The following CACNA1C variants were observed in gnomAD, a reference collection of about 807,000 sequenced individuals.
CACNA1C encodes the protein calcium voltage-gated channel subunit alpha1 C, also known as voltage-dependent L-type calcium channel subunit alpha-1C.
In CACNA1C, 30 loss-of-function variants were observed where a neutral mutation model predicts 229.0. The ratio of observed to expected loss-of-function variants is 0.13; its 90% CI spans 0.10 to 0.18. The LOEUF is 0.18. Ranked by LOEUF, CACNA1C falls within the 10% of genes least tolerant of loss-of-function variation. The probability of loss-of-function intolerance (pLI) is 1.00; values close to 1 mark genes in which losing one functional copy is unlikely to be tolerated. For missense variants in CACNA1C, 1,658 were observed against 2,845.0 expected, an observed-to-expected ratio of 0.58 and a Z score of 9.49; for synonymous variants, 1,114 against 1,132.5, an observed-to-expected ratio of 0.98 and a Z score of 0.33.
intron 3 of CACNA1C, among the ~76,000 whole-genome samples, chr12:2,265,744 T>C (rs1188293816): frequency 6.6e-6 from 1 of 152,196 alleles, no homozygotes; most frequent in Non-Finnish European, 1.5e-5. Context: ...TCCAGTGTGC[T>C]CCACCCCTTC....
In CACNA1C at chr12:2,691,508, G is replaced by A. The variant is rs2097788266; in HGVS notation, c.*309G>A. On this transcript the variant is annotated 3_prime_UTR_variant, in exon 47 of 47. Coordinates refer to ENST00000399655, the MANE Select transcript of CACNA1C (RefSeq NM_000719.7). Reference sequence around the variant, plus strand: ...CGCGGGGAGAGCACCCCGGCTTCCCGCGCGCCCTCACCAAAAGGACCCTAC... The same window carrying A: ...CGCGGGGAGAGCACCCCGGCTTCCCACGCGCCCTCACCAAAAGGACCCTAC... 6.3e-6 allele frequency: 2 copies of A among 318,034 alleles called. No homozygotes were observed. The allele number at this position is 318,034 out of a possible 1,614,324, so 19.7% of individuals were successfully genotyped here.
chr12:2,170,123 C>T (rs1597977340), intron 3 of CACNA1C, among the ~76,000 whole-genome samples: 1 of 152,198 alleles, frequency 6.6e-6, no homozygotes, highest in East Asian at 1.9e-4. Flanking sequence ...GAGATGAAAG[C>T]CTCATGTCCA....
intron 3 of CACNA1C, among the ~76,000 whole-genome samples, chr12:2,384,847 A>G (rs982853980): frequency 6.6e-5 from 10 of 152,328 alleles, no homozygotes; most frequent in African/African-American, 2.4e-4. Context: ...TCCTTGGCTT[A>G]GCAAATCTTT....
intron 5 of CACNA1C, among the ~76,000 whole-genome samples, chr12:2,477,679 T>G (rs1237310072): frequency 6.6e-6 from 1 of 152,170 alleles, no homozygotes; most frequent in African/African-American, 2.4e-5. Flanking sequence ...GATCCTTCCC[T>G]GCAGGTCTGG....
chr12:2,495,483 AT>A (rs1217617729), intron 7 of CACNA1C, among the ~76,000 whole-genome samples: 2 of 152,134 alleles, frequency 1.3e-5, no homozygotes, highest in Non-Finnish European at 2.9e-5. Flanking sequence ...TTGCTGATGT[AT>A]TTTTGTGTTC....
intron 1 of CACNA1C, among the ~76,000 whole-genome samples, chr12:2,077,665 C>T (rs2063724634): frequency 2.0e-5 from 3 of 152,068 alleles, no homozygotes; most frequent in African/African-American, 7.2e-5. Context: ...GCTGAGGAGG[C>T]AAGAGTTACG....
At chr12:2,031,780 G>A (rs1594061108) in intron 1 of CACNA1C, among the ~76,000 whole-genome samples, 1 of 152,160 alleles carries the variant, frequency 6.6e-6, no homozygotes, top group East Asian at 1.9e-4. Flanking sequence ...TGGCTCAGTG[G>A]CTTTCTTTGG....
At chr12:2,211,672 C>T (rs2097918984) in intron 3 of CACNA1C, among the ~76,000 whole-genome samples, 1 of 148,970 alleles carries the variant, frequency 6.7e-6, no homozygotes, top group South Asian at 2.1e-4. Context: ...AATTCCCAGT[C>T]ATTTGGCTCC....
chr12:2,249,819 G>A lies in CACNA1C; in HGVS notation c.477+129389G>A, dbSNP rs1001430755. Among the ~76,000 whole-genome samples, 14 of 142,886 alleles carry A rather than the reference G, an allele frequency of 9.8e-5. No individual in the cohort carries two copies. In the South Asian group the frequency reaches 3.1e-3, roughly 32 times the overall value. The allele number at this position is 142,886 out of a possible 152,430, so 93.7% of individuals were successfully genotyped here. On this transcript the variant is annotated intron_variant, in intron 3 of 46. Transcript: ENST00000399655. ...GGAGTCTCACTCTGTTGCCCAGGCT[G>A]GAGTGCAGTGGCGCGATCCTGGCTC...
chr12:1,975,025 C>T (rs1169715151), intron 1 of CACNA1C, among the ~76,000 whole-genome samples: 1 of 152,110 alleles, frequency 6.6e-6, no homozygotes. Context: ...AATAGCCTAA[C>T]TATAAAACAC....
rs140707143 is a variant in CACNA1C, at chr12:2,649,272, G to A, written c.3945+765G>A. On this transcript the variant is annotated intron_variant, in intron 31 of 46. Coordinates refer to ENST00000399655, the MANE Select transcript of CACNA1C (RefSeq NM_000719.7). The surrounding 1 kb of genome is among the most constrained non-coding windows in gnomAD (Gnocchi z 4.4). ...ACCTTGAAGCCTCCTTGGCCCAGCCGCCTCCAAAAGGCTGCCGTTATGCAT... is the reference window on the plus strand; with the variant it reads ...ACCTTGAAGCCTCCTTGGCCCAGCCACCTCCAAAAGGCTGCCGTTATGCAT... 2.2e-3 allele frequency among the ~76,000 whole-genome samples: 338 copies of A among 152,308 alleles called. 4 individuals are homozygous for A. Among genetic ancestry groups the A allele is most frequent in the African/African-American group, 7.6e-3 (316 of 41,562 alleles).
chr12:2,143,509 C>A (rs2094450975), intron 3 of CACNA1C, among the ~76,000 whole-genome samples: 2 of 151,000 alleles, frequency 1.3e-5, no homozygotes, highest in African/African-American at 4.8e-5. Context: ...TGTTTAGATA[C>A]ACAAATACTT....
At chr12:2,277,358 GACAGACAC>G (rs1353104054) in intron 3 of CACNA1C, among the ~76,000 whole-genome samples, 1,222 of 81,898 alleles carry the variant, frequency 0.015, 1 homozygote, top group African/African-American at 0.019. Flanking sequence ...CAGACAGACA[GACAGACAC>G]ACACACACAC....
chr12:2,241,165 T>G (rs1422476329), intron 3 of CACNA1C, among the ~76,000 whole-genome samples: 1 of 152,044 alleles, frequency 6.6e-6, no homozygotes, highest in Non-Finnish European at 1.5e-5. Context: ...GCCTCCATCC[T>G]CCCACGCATG....
intron 3 of CACNA1C, among the ~76,000 whole-genome samples, chr12:2,416,398 G>T (rs2098901945): frequency 6.6e-6 from 1 of 152,162 alleles, no homozygotes; most frequent in African/African-American, 2.4e-5. Context: ...GGGAGGAAAA[G>T]AGAGGGGAAG....
chr12:2,666,325 C>T lies in CACNA1C; in HGVS notation c.4527-361C>T, dbSNP rs986255286. ...GAAAATCTTGATTCCATTCCCGCTT[C>T]TGGTCTAAAGATCAATCACATTCGG... On this transcript the variant is annotated intron_variant, in intron 36 of 46. Coordinates refer to ENST00000399655, the MANE Select transcript of CACNA1C (RefSeq NM_000719.7). This position sits in a 1 kb window ranked among gnomAD's most constrained non-coding sequence, Gnocchi z 5.3. 1.3e-5 allele frequency among the ~76,000 whole-genome samples: 2 copies of T among 152,204 alleles called. No homozygotes were observed. Among genetic ancestry groups the T allele is most frequent in the Non-Finnish European group, 2.9e-5 (2 of 68,044 alleles).
intron 5 of CACNA1C, among the ~76,000 whole-genome samples, chr12:2,460,124 G>C (rs1358903597): frequency 6.6e-6 from 1 of 152,240 alleles, no homozygotes; most frequent in African/African-American, 2.4e-5. Flanking sequence ...CAATTCTGGA[G>C]CCCAGGTCGA....
At chr12:2,176,892 T>C (rs1201058935) in intron 3 of CACNA1C, among the ~76,000 whole-genome samples, 1 of 152,146 alleles carries the variant, frequency 6.6e-6, no homozygotes, top group Admixed American at 6.5e-5. Context: ...CACTGAAGAA[T>C]TGGCATTGGC....
At position 2,665,033 on chromosome 12, in the gene CACNA1C, C is replaced by G; in HGVS notation, c.4398+43C>G. The stretch of plus-strand genomic sequence containing the variant: ...TCAACAGCCAGCAGCCATGACTGCC[C>G]AGTTCCAGGGCAGTCTGAACCGTCC... On this transcript the variant is annotated intron_variant, in intron 35 of 46. Coordinates refer to ENST00000399655, the MANE Select transcript of CACNA1C (RefSeq NM_000719.7). The surrounding 1 kb of genome is among the most constrained non-coding windows in gnomAD (Gnocchi z 5.9). 1 of 1,602,600 alleles carries G rather than the reference C, an allele frequency of 6.2e-7. No individual in the cohort carries two copies. The highest frequency in any genetic ancestry group is 8.5e-7 in the Non-Finnish European group (1 of 1,170,478).
Sources: gnomAD v4.1 joint callset for allele counts (sites outside exome capture counted in the v4.1 genomes callset) on GRCh38, gnomAD v4.1.1 for gene constraint, Gnocchi (gnomAD v3.1) non-coding constraint, MANE v1.5 for transcripts, NCBI Gene and HGNC (gene_info 2026-07-23, HGNC 2026-07-21) for gene names.